Variants in ABCC6 observed in about 807,000 individuals in gnomAD.
ABCC6 encodes the protein ATP binding cassette subfamily C member 6.
In ABCC6, 126 loss-of-function variants were observed where a neutral mutation model predicts 169.5. The observed-to-expected ratio is 0.74, with a 90% confidence interval of 0.64 to 0.86. ABCC6 has a LOEUF of 0.86. Among genes scored for constraint, ABCC6 ranks in the 40% least tolerant of loss-of-function variants. The pLI, the probability that ABCC6 is intolerant of heterozygous loss-of-function variation, is 0.00. For synonymous variants in ABCC6, 752 were observed against 814.7 expected (o/e 0.92, Z 1.31); for missense variants, 1,733 against 1,927.2 (o/e 0.90, Z 1.89).
intron 21 of ABCC6, among the ~76,000 whole-genome samples, chr16:16,170,237 A>T (rs916474117): frequency 2.0e-5 from 3 of 151,932 alleles, no homozygotes; most frequent in Admixed American, 6.6e-5. Context: ...AGTAGTCAGG[A>T]CTATAGGTTT....
chr16:16,158,725 C>A (rs2046625984), intron 26 of ABCC6, among the ~76,000 whole-genome samples: 1 of 152,102 alleles, frequency 6.6e-6, no homozygotes, highest in Admixed American at 6.5e-5. Context: ...TGTTTTCTTA[C>A]TGTTACATTG....
At chr16:16,193,030 T>C (rs1483686213) in intron 10 of ABCC6, 108 bp from the exon 11 acceptor site, 3 of 889,716 alleles carry the variant, frequency 3.4e-6, no homozygotes, top group East Asian at 2.5e-5. Flanking sequence ...AAAATGAGGC[T>C]GAGACCTACT....
chr16:16,190,187 A>G lies in ABCC6; in HGVS notation c.1612T>C (p.Ser538Pro). Residue 538 changes from serine (S) to proline (P), a missense_variant, in exon 12 of 31, where the codon TCC becomes CCC. Coordinates refer to ENST00000205557, the MANE Select transcript of ABCC6 (RefSeq NM_001171.6). Reference protein sequence around the residue: ...SGLLFSVSLVSFQVSTFLVAL... With the variant: ...SGLLFSVSLVPFQVSTFLVAL... The stretch of plus-strand genomic sequence containing the variant: ...ACCAGAAATGTAGACACTTGGAAGG[A>G]CACCAGCGACACAGAGAAGAGGAGG... 1 of 1,613,964 alleles carries G rather than the reference A, an allele frequency of 6.2e-7. No homozygotes were observed.
chr16:16,160,398 A>C (rs1170218689), intron 25 of ABCC6, among the ~76,000 whole-genome samples: 1 of 152,002 alleles, frequency 6.6e-6, no homozygotes, highest in African/African-American at 2.4e-5. Context: ...AGCTTTTTGG[A>C]AGTCTAAGCA....
In ABCC6 at chr16:16,169,403, G is replaced by A. The variant is rs185315812; in HGVS notation, c.2995+243C>T. Among the ~76,000 whole-genome samples, 1,113 of 152,286 alleles carry A rather than the reference G, an allele frequency of 7.3e-3. 3 individuals carry two copies. Among genetic ancestry groups the A allele is most frequent in the Non-Finnish European group, 0.012 (799 of 68,022 alleles). Reference sequence around the variant, plus strand: ...CCACCAGCAGGCAGGCCTTGCAGACGCCTTCCGCTAGTGGGGAGGGACTGG... The same window carrying A: ...CCACCAGCAGGCAGGCCTTGCAGACACCTTCCGCTAGTGGGGAGGGACTGG... On this transcript the variant is annotated intron_variant, in intron 22 of 30. Transcript: ENST00000205557.
rs59757815 is a variant in ABCC6 at position 16,182,484 on chromosome 16, T to A, written c.2175A>T (p.Val725=). The A allele has an allele frequency of 0.017, 27,469 of 1,614,148 alleles. 420 individuals are homozygous for A. The highest frequency in any genetic ancestry group is 0.055 in the African/African-American group (4,154 of 75,026). Residue 725 remains valine, a synonymous_variant, in exon 17 of 31, where the codon GTA becomes GTT. Transcript: ENST00000205557. The part of the protein sequence containing the change: ...QELDPPWLER[V]LEACALQPDV... ...CTGGCTGCAGGGCACAGGCTTCTAG[T>A]ACTCTCTCCAGCCAGGGTGGGTCCA...
intron 26 of ABCC6, 26 bp downstream of exon 26, chr16:16,159,455 AC>A (rs752499858): frequency 1.3e-6 from 2 of 1,500,964 alleles, no homozygotes; most frequent in Non-Finnish European, 9.3e-7. Flanking sequence ...CCTTGCTGGG[AC>A]CCCCTCCCCA....
At chr16:16,156,104 C>T (rs968610825) in intron 27 of ABCC6, among the ~76,000 whole-genome samples, 3 of 152,034 alleles carry the variant, frequency 2.0e-5, no homozygotes, top group Admixed American at 1.3e-4. Flanking sequence ...TTAGTAGACA[C>T]GGGATTTCAC....
intron 24 of ABCC6, among the ~76,000 whole-genome samples, chr16:16,161,987 G>A (rs866369338): frequency 6.6e-6 from 1 of 152,138 alleles, no homozygotes; most frequent in African/African-American, 2.4e-5. Context: ...TATTGTTCTC[G>A]AGATAGTGAG....
rs867185089 is a variant in ABCC6, at chr16:16,153,693, C to T, written c.4208+935G>A. On this transcript the variant is annotated intron_variant, in intron 29 of 30. Coordinates refer to ENST00000205557, the MANE Select transcript of ABCC6 (RefSeq NM_001171.6). ...TAATCCCAGCACTTTGGGAGGCCTA[C>T]GCAAGTTCGACTGTAGCCTGGGCAA... Among the ~76,000 whole-genome samples, 12 of 151,918 alleles carry T rather than the reference C, an allele frequency of 7.9e-5. No homozygotes were observed. In the South Asian group the frequency reaches 1.9e-3, roughly 24 times the overall value.
intron 7 of ABCC6, among the ~76,000 whole-genome samples, chr16:16,206,147 T>C (rs564193597): frequency 6.6e-6 from 1 of 152,352 alleles, no homozygotes; most frequent in South Asian, 2.1e-4. Context: ...GCCTGCAGGC[T>C]CCATAGCAAG....
At chr16:16,183,592 C>T (rs748218635) in intron 15 of ABCC6, among the ~76,000 whole-genome samples, 8 of 152,214 alleles carry the variant, frequency 5.3e-5, no homozygotes, top group African/African-American at 9.6e-5. Flanking sequence ...CTCAGCTGCT[C>T]GGCCCTGGCC....
In ABCC6 at chr16:16,163,152, T is replaced by TCCA. The variant is rs1321818108; in HGVS notation, c.3344_3346dup (p.Leu1115_Glu1116insVal). The TCCA allele has an allele frequency of 6.2e-7, 1 of 1,613,722 alleles. No individual in the cohort carries two copies. The highest frequency in any genetic ancestry group is 1.1e-5 in the South Asian group (1 of 91,086). ...GCAGACAGACGAGTAGCTGGCTGAC[T>TCCA]CCAAGCGTCTCAGCTGGCATGAGCT... is the stretch of plus-strand genomic sequence containing the variant. On this transcript the variant is annotated inframe_insertion, in exon 24 of 31. Coordinates refer to ENST00000205557, the MANE Select transcript of ABCC6 (RefSeq NM_001171.6).
At chr16:16,180,505 A>G (rs930062768) in intron 17 of ABCC6, among the ~76,000 whole-genome samples, 2 of 151,634 alleles carry the variant, frequency 1.3e-5, no homozygotes, top group Admixed American at 1.3e-4. Context: ...ATTTTTATTT[A>G]TTTTTGAGAT....
intron 22 of ABCC6, among the ~76,000 whole-genome samples, chr16:16,167,052 T>C (rs1047536550): frequency 1.3e-5 from 2 of 152,234 alleles, no homozygotes; most frequent in Non-Finnish European, 2.9e-5. Flanking sequence ...TGTTTGGCAG[T>C]AGCCCTGTGA....
chr16:16,208,906 T>C lies in ABCC6; in HGVS notation c.663-47A>G, dbSNP rs2048496023. The C allele has an allele frequency of 1.9e-6, 3 of 1,613,194 alleles. No homozygotes were observed. In the Admixed American group the frequency reaches 5.0e-5, roughly 27 times the overall value. On this transcript the variant is annotated intron_variant, in intron 6 of 30. Transcript: ENST00000205557. ...GAAAGCTTTTCCTGCCATTCACCCC[T>C]GCAGGATCCTGGCCAGGCGAGTAGC...
At chr16:16,185,214 G>T (rs2047614022) in intron 14 of ABCC6, among the ~76,000 whole-genome samples, 180 bp from the exon 15 acceptor site, 1 of 152,232 alleles carries the variant, frequency 6.6e-6, no homozygotes, top group African/African-American at 2.4e-5. Context: ...CAGGGTTCTT[G>T]TTCTGTCCGT....
At chr16:16,202,527 G>A (rs548309137) in intron 8 of ABCC6, among the ~76,000 whole-genome samples, 1 of 151,278 alleles carries the variant, frequency 6.6e-6, no homozygotes, top group East Asian at 2.0e-4. Context: ...AGGCAATGAA[G>A]TTAAAAATGA....
chr16:16,180,980 C>G (rs2047448428), intron 17 of ABCC6, among the ~76,000 whole-genome samples: 1 of 152,084 alleles, frequency 6.6e-6, no homozygotes, highest in Admixed American at 6.6e-5. Flanking sequence ...GACAGCACAT[C>G]AGGTGGAAAG....
Sources: gnomAD v4.1 joint callset for allele counts (sites outside exome capture counted in the v4.1 genomes callset) on GRCh38, gnomAD v4.1.1 for gene constraint, MANE v1.5 for transcripts, NCBI Gene and HGNC (gene_info 2026-07-23, HGNC 2026-07-21) for gene names.